Variants in GLRA3 observed in about 807,000 individuals in gnomAD.
GLRA3 encodes the protein glycine receptor subunit alpha-3.
GLRA3 carries 44 observed loss-of-function variants against 60.4 expected under a neutral mutation model. The observed-to-expected ratio is 0.73, with a 90% CI of 0.57 to 0.94. GLRA3 has a LOEUF of 0.94. Among genes scored for constraint, GLRA3 ranks in the 40% least tolerant of loss-of-function variants. GLRA3 has a pLI of 0.00. For synonymous variants in GLRA3, 223 were observed against 192.9 expected (o/e 1.16, Z -1.29); for missense variants, 508 against 564.6 (o/e 0.90, Z 1.02).
At position 174,783,146 on chromosome 4, in the gene GLRA3, G is replaced by A. The variant is rs1004955743; in HGVS notation, c.199+5670C>T. ...ATATAGATCAATGGAACAGAACAGA[G>A]CCCTCAGAAATAACGCCGCGTATCT... On this transcript the variant is annotated intron_variant, in intron 2 of 9. Coordinates refer to ENST00000274093, the MANE Select transcript of GLRA3 (RefSeq NM_006529.4). 3.3e-5 allele frequency among the ~76,000 whole-genome samples: 5 copies of A among 151,904 alleles called. No homozygotes were observed. The East Asian group carries it at 5.8e-4, about 18-fold the overall frequency.
At chr4:174,795,923 A>G (rs954419433) in intron 1 of GLRA3, among the ~76,000 whole-genome samples, 2 of 152,218 alleles carry the variant, frequency 1.3e-5, no homozygotes, top group African/African-American at 2.4e-5. Context: ...ACAGGAATCA[A>G]AACCAAACTC....
chr4:174,789,676 C>T (rs917368431), intron 1 of GLRA3, among the ~76,000 whole-genome samples: 41 of 152,150 alleles, frequency 2.7e-4, no homozygotes, highest in African/African-American at 8.9e-4. Flanking sequence ...CCTAGAAACC[C>T]ATAGTGTAGG....
chr4:174,663,695 G>A (rs1376547586), intron 7 of GLRA3, among the ~76,000 whole-genome samples: 4 of 152,146 alleles, frequency 2.6e-5, no homozygotes, highest in Admixed American at 1.3e-4. Context: ...AACACAGGAC[G>A]TGGGAAGTTT....
chr4:174,813,466 C>A (rs113554963), intron 1 of GLRA3, among the ~76,000 whole-genome samples: 5 of 152,264 alleles, frequency 3.3e-5, no homozygotes, highest in African/African-American at 1.2e-4. Context: ...AAAACTACAG[C>A]GTAGCCACAC....
rs1352267309 is a variant in GLRA3 at position 174,639,256 on chromosome 4, A to G, written c.*4530T>C. The G allele has an allele frequency of 2.0e-5, 3 of 152,262 alleles. No individual in the cohort carries two copies. The highest frequency in any genetic ancestry group is 3.4e-3 in the Middle Eastern group (1 of 294). 9.4% of individuals were successfully genotyped at this position (152,262 alleles called of 1,614,324 possible). A position where few individuals can be genotyped will look rare whatever the true frequency, so the allele number is the denominator to read the frequency against. ...AATGACTGCATGGTTCATATTTTCC[A>G]CCAGGAATCACTTAATATTGCAAAA... is the stretch of plus-strand genomic sequence containing the variant. On this transcript the variant is annotated 3_prime_UTR_variant, in exon 10 of 10. Coordinates refer to ENST00000274093, the MANE Select transcript of GLRA3 (RefSeq NM_006529.4).
At chr4:174,798,260 T>G (rs2111332524) in intron 1 of GLRA3, among the ~76,000 whole-genome samples, 1 of 152,264 alleles carries the variant, frequency 6.6e-6, no homozygotes, top group East Asian at 1.9e-4. Context: ...GAAAGAGAGT[T>G]TACTATGTAT....
chr4:174,813,504 G>T (rs1230363105), intron 1 of GLRA3, among the ~76,000 whole-genome samples: 1 of 152,110 alleles, frequency 6.6e-6, no homozygotes, highest in Non-Finnish European at 1.5e-5. Context: ...CACAGACTTG[G>T]CTCTATTCTG....
At chr4:174,781,837 A>G (rs1365225988) in intron 2 of GLRA3, among the ~76,000 whole-genome samples, 2 of 152,226 alleles carry the variant, frequency 1.3e-5, no homozygotes, top group Non-Finnish European at 2.9e-5. Flanking sequence ...CTTACCAACC[A>G]AAAAGAGTCC....
At chr4:174,806,191 A>G (rs1198618922) in intron 1 of GLRA3, among the ~76,000 whole-genome samples, 1 of 152,150 alleles carries the variant, frequency 6.6e-6, no homozygotes, top group South Asian at 2.1e-4. Context: ...AAAATTATAA[A>G]CTTAAATCTG....
chr4:174,666,292 G>C (rs1046744452), intron 7 of GLRA3, among the ~76,000 whole-genome samples: 4 of 152,000 alleles, frequency 2.6e-5, no homozygotes, highest in Non-Finnish European at 5.9e-5. Context: ...CCTAAAATCT[G>C]ACAGTCAACT....
At chr4:174,778,177 G>A (rs1223917536) in intron 2 of GLRA3, among the ~76,000 whole-genome samples, 11 of 152,190 alleles carry the variant, frequency 7.2e-5, no homozygotes, top group Middle Eastern at 3.4e-3. Context: ...TGTGGTCTGC[G>A]CCTGGGGATG....
chr4:174,792,395 CA>C (rs1378189621), intron 1 of GLRA3, among the ~76,000 whole-genome samples: 1 of 151,900 alleles, frequency 6.6e-6, no homozygotes, highest in African/African-American at 2.4e-5. Context: ...TATAAGCACA[CA>C]AGGCATATTG....
intron 8 of GLRA3, 130 bp from the exon 9 acceptor site, chr4:174,656,917 G>T: frequency 1.8e-6 from 1 of 543,482 alleles, no homozygotes; most frequent in East Asian, 2.9e-5. Flanking sequence ...GCAATTAATA[G>T]ATTTTCACAT....
intron 6 of GLRA3, among the ~76,000 whole-genome samples, chr4:174,681,279 T>C (rs1013186047): frequency 2.0e-5 from 3 of 152,224 alleles, no homozygotes; most frequent in Non-Finnish European, 4.4e-5. Context: ...TCATAAAAAT[T>C]CATCCCTAAT....
In GLRA3 at chr4:174,643,506, A is replaced by G; in HGVS notation, c.*280T>C. Reference sequence around the variant, plus strand: ...GAGATATTATATAACATATAAACACATTGGCAGTAAAGCTTCCACTTACAT... The same window carrying G: ...GAGATATTATATAACATATAAACACGTTGGCAGTAAAGCTTCCACTTACAT... On this transcript the variant is annotated 3_prime_UTR_variant, in exon 10 of 10. Transcript: ENST00000274093. The G allele has an allele frequency of 2.9e-6, 3 of 1,049,588 alleles. No individual in the cohort carries two copies. The highest frequency in any genetic ancestry group is 3.4e-6 in the Non-Finnish European group (3 of 873,182). 65.0% of individuals were successfully genotyped at this position (1,049,588 alleles called of 1,614,324 possible). A position where few individuals can be genotyped will look rare whatever the true frequency, so the allele number is the denominator to read the frequency against.
intron 6 of GLRA3, 118 bp downstream of exon 6, chr4:174,682,684 C>A: frequency 1.5e-6 from 1 of 650,968 alleles, no homozygotes; most frequent in Non-Finnish European, 2.5e-6. Context: ...CCATTTTCTG[C>A]TATATAAGAA....
chr4:174,795,854 G>A (rs1401316662), intron 1 of GLRA3, among the ~76,000 whole-genome samples: 2 of 152,106 alleles, frequency 1.3e-5, no homozygotes, highest in Admixed American at 6.6e-5. Flanking sequence ...AGATAATGAA[G>A]TAAATGATCC....
chr4:174,685,950 AT>A, intron 5 of GLRA3, among the ~76,000 whole-genome samples: 1 of 152,350 alleles, frequency 6.6e-6, no homozygotes, highest in South Asian at 2.1e-4. Context: ...ATTCTGTGAA[AT>A]GAAACTAGCT....
At chr4:174,766,724 A>G (rs1738154291) in intron 3 of GLRA3, among the ~76,000 whole-genome samples, 1 of 152,092 alleles carries the variant, frequency 6.6e-6, no homozygotes, top group Non-Finnish European at 1.5e-5. Flanking sequence ...TTTGAAGTTT[A>G]ATATTAGATT....
Sources: allele counts gnomAD v4.1 joint callset (sites outside exome capture counted in the v4.1 genomes callset), GRCh38; gene constraint gnomAD v4.1.1; transcripts MANE v1.5; gene names NCBI Gene and HGNC (gene_info 2026-07-23, HGNC 2026-07-21).